Variants in BLVRA observed in about 807,000 individuals in gnomAD.
BLVRA encodes biliverdin reductase A, also known as BVR A.
Under a neutral mutation model 32.8 loss-of-function variants are expected in BLVRA, and 22 were observed. The ratio of observed to expected loss-of-function variants is 0.67; its 90% CI spans 0.48 to 0.96. The LOEUF is 0.96. BLVRA is among the 40% of genes least tolerant of loss of function. BLVRA has a pLI of 0.00. For synonymous variants in BLVRA, 119 were observed against 141.3 expected (o/e 0.84, Z 1.12); for missense variants, 323 against 358.1 (o/e 0.90, Z 0.79).
chr7:43,759,357 G>T (rs1426073753), intron 1 of BLVRA, among the ~76,000 whole-genome samples: 1 of 152,246 alleles, frequency 6.6e-6, no homozygotes, highest in Non-Finnish European at 1.5e-5. Context: ...AATAATGAGG[G>T]TATTTATAAA....
chr7:43,779,961 C>T (rs1397867933), intron 2 of BLVRA, among the ~76,000 whole-genome samples: 2 of 152,022 alleles, frequency 1.3e-5, no homozygotes, highest in Non-Finnish European at 2.9e-5. Context: ...GCAACCTCTG[C>T]CTCCCGGGTT....
intron 3 of BLVRA, 71 bp from the exon 4 acceptor site, chr7:43,791,178 G>A: frequency 1.2e-6 from 2 of 1,604,832 alleles, no homozygotes; most frequent in Non-Finnish European, 1.7e-6. Flanking sequence ...CCTGTCGGGA[G>A]GAGGGGAGAA....
intron 2 of BLVRA, among the ~76,000 whole-genome samples, chr7:43,785,758 T>C (rs1407053302): frequency 6.6e-6 from 1 of 152,182 alleles, no homozygotes; most frequent in Non-Finnish European, 1.5e-5. Context: ...CAGTACAAGG[T>C]CTAGGAGAAA....
chr7:43,785,937 A>C (rs2095776973), intron 2 of BLVRA, among the ~76,000 whole-genome samples: 1 of 152,212 alleles, frequency 6.6e-6, no homozygotes. Flanking sequence ...AATCATAATA[A>C]ATATTCTAAT....
intron 1 of BLVRA, among the ~76,000 whole-genome samples, chr7:43,769,889 G>A (rs559580897): frequency 5.9e-5 from 9 of 152,308 alleles, no homozygotes; most frequent in South Asian, 4.1e-4. Flanking sequence ...GATTACAGGC[G>A]TGAGCCACTG....
At chr7:43,765,363 T>C (rs2095746635) in intron 1 of BLVRA, among the ~76,000 whole-genome samples, 1 of 152,092 alleles carries the variant, frequency 6.6e-6, no homozygotes, top group African/African-American at 2.4e-5. Flanking sequence ...GCAATTCTCA[T>C]GTCTCAGCCT....
chr7:43,804,026 C>T (rs1039776278), intron 7 of BLVRA, among the ~76,000 whole-genome samples, 179 bp downstream of exon 7: 3 of 152,252 alleles, frequency 2.0e-5, no homozygotes, highest in African/African-American at 7.2e-5. Flanking sequence ...ATCCTCTCAG[C>T]AGCCCTGTGA....
chr7:43,784,598 C>CTTTTTTTTTT (rs5883874), intron 2 of BLVRA, among the ~76,000 whole-genome samples: 1 of 85,238 alleles, frequency 1.2e-5, no homozygotes, highest in African/African-American at 5.6e-5. Flanking sequence ...TCACTCATAT[C>CTTTTTTTTTT]TTTTTTTTTT....
intron 1 of BLVRA, among the ~76,000 whole-genome samples, chr7:43,760,680 G>A (rs1255839712): frequency 6.6e-6 from 1 of 150,670 alleles, no homozygotes; most frequent in Non-Finnish European, 1.5e-5. Context: ...AATGGACAGT[G>A]TATACCTTTT....
At chr7:43,789,277 A>G (rs562000290) in intron 3 of BLVRA, among the ~76,000 whole-genome samples, 1 of 152,348 alleles carries the variant, frequency 6.6e-6, no homozygotes, top group Non-Finnish European at 1.5e-5. Flanking sequence ...AAGCATAAGT[A>G]ACAATTGTGA....
intron 1 of BLVRA, among the ~76,000 whole-genome samples, chr7:43,769,733 G>C (rs955462950): frequency 6.6e-6 from 1 of 151,804 alleles, no homozygotes; most frequent in Non-Finnish European, 1.5e-5. Context: ...TCAGCCTCCC[G>C]AGTAGGTGGG....
At chr7:43,793,613 T>A (rs991870723) in intron 5 of BLVRA, among the ~76,000 whole-genome samples, 3 of 149,796 alleles carry the variant, frequency 2.0e-5, no homozygotes, top group African/African-American at 7.3e-5. Context: ...AAAAATCTTT[T>A]ACAACTTTTT....
intron 3 of BLVRA, 50 bp from the exon 4 acceptor site, chr7:43,791,199 C>T: frequency 1.9e-6 from 3 of 1,611,856 alleles, no homozygotes; most frequent in South Asian, 1.1e-5. Flanking sequence ...GGATGGTGCT[C>T]CTTTCTTCTG....
intron 5 of BLVRA, among the ~76,000 whole-genome samples, chr7:43,793,241 T>A (rs955752210): frequency 1.3e-5 from 2 of 151,924 alleles, no homozygotes; most frequent in Non-Finnish European, 2.9e-5. Context: ...ATTTAGTATA[T>A]GCTAGGAACT....
chr7:43,800,423 C>T, intron 5 of BLVRA, 42 bp from the exon 6 acceptor site: 1 of 1,574,116 alleles, frequency 6.4e-7, no homozygotes, highest in Non-Finnish European at 8.7e-7. Flanking sequence ...CACCTAGACA[C>T]AACTGACGAC....
chr7:43,758,246 G>T (rs1374376630), upstream of BLVRA, among the ~76,000 whole-genome samples: 2 of 152,156 alleles, frequency 1.3e-5, no homozygotes, highest in Non-Finnish European at 2.9e-5. Context: ...CAGTCGGCCC[G>T]GGGCCACTAA....
chr7:43,799,499 T>C (rs10244587), intron 5 of BLVRA, among the ~76,000 whole-genome samples: 1 of 152,056 alleles, frequency 6.6e-6, no homozygotes, highest in Non-Finnish European at 1.5e-5. Flanking sequence ...TTTATTTTTA[T>C]TTTTATTTTT....
At chr7:43,770,131 C>T (rs1431860728) in intron 1 of BLVRA, among the ~76,000 whole-genome samples, 1 of 152,148 alleles carries the variant, frequency 6.6e-6, no homozygotes, top group African/African-American at 2.4e-5. Flanking sequence ...TTTTCAGAGG[C>T]CTTCTGCCCT....
intron 1 of BLVRA, chr7:43,767,447 A>G (rs2095749471): frequency 2.0e-6 from 3 of 1,536,244 alleles, no homozygotes; most frequent in South Asian, 1.1e-5. Context: ...TAAATCTTAT[A>G]TATCTGGAGG....
Sources: gnomAD v4.1 joint callset for allele counts (sites outside exome capture counted in the v4.1 genomes callset) on GRCh38, gnomAD v4.1.1 for gene constraint, MANE v1.5 for transcripts, NCBI Gene and HGNC (gene_info 2026-07-23, HGNC 2026-07-21) for gene names.